The following PKNOX1 variants were observed in gnomAD, a reference collection of about 807,000 sequenced individuals.
The protein encoded by PKNOX1 is homeobox protein PKNOX1.
PKNOX1 carries 15 observed loss-of-function variants against 51.9 expected under a neutral mutation model. That is an observed-to-expected ratio of 0.29 (90% confidence interval 0.19 to 0.45). The LOEUF (loss-of-function observed/expected upper bound fraction) is 0.45. Among genes scored for constraint, PKNOX1 ranks in the 20% least tolerant of loss-of-function variants. The pLI is 1.00. For synonymous variants in PKNOX1, 219 were observed against 211.1 expected (o/e 1.04, Z -0.32); for missense variants, 462 against 547.5 (o/e 0.84, Z 1.56).
intron 1 of PKNOX1, among the ~76,000 whole-genome samples, chr21:42,989,185 A>G (rs1042550887): frequency 2.0e-5 from 3 of 151,282 alleles, no homozygotes; most frequent in East Asian, 1.9e-4. Flanking sequence ...GGGTCTCACT[A>G]TGTTGCTGGT....
At chr21:42,988,552 G>A (rs1232888518) in intron 1 of PKNOX1, among the ~76,000 whole-genome samples, 1 of 152,198 alleles carries the variant, frequency 6.6e-6, no homozygotes, top group South Asian at 2.1e-4. Flanking sequence ...ATCACCATTA[G>A]AATTGTAAAG....
intron 5 of PKNOX1, 47 bp downstream of exon 5, chr21:43,013,285 A>C (rs374506090): frequency 2.2e-6 from 3 of 1,386,594 alleles, no homozygotes. Context: ...CACTGTGAAC[A>C]TCTGCATTGA....
chr21:43,007,783 G>T, intron 3 of PKNOX1, 165 bp downstream of exon 3: 1 of 691,126 alleles, frequency 1.4e-6, no homozygotes, highest in Non-Finnish European at 2.4e-6. Context: ...GTTATTTCTG[G>T]CCAGGTGTGG....
chr21:42,994,448 A>T (rs1601279756), intron 1 of PKNOX1, among the ~76,000 whole-genome samples: 4 of 147,158 alleles, frequency 2.7e-5, no homozygotes, highest in African/African-American at 2.5e-5. Context: ...AAATGCTAGT[A>T]TTACAGGCAC....
At chr21:43,008,520 G>C (rs764508855) in intron 3 of PKNOX1, among the ~76,000 whole-genome samples, 2 of 152,214 alleles carry the variant, frequency 1.3e-5, no homozygotes, top group Non-Finnish European at 2.9e-5. Flanking sequence ...GCTCACACCT[G>C]TAATCCCAGA....
At chr21:43,017,437 C>T (rs889516276) in intron 6 of PKNOX1, 1 of 157,058 alleles carries the variant, frequency 6.4e-6, no homozygotes, top group Middle Eastern at 3.3e-3. Context: ...CCAGAGTTCC[C>T]TGATGCGTAG....
At chr21:42,978,518 C>G (rs1203265103) in intron 1 of PKNOX1, among the ~76,000 whole-genome samples, 3 of 136,624 alleles carry the variant, frequency 2.2e-5, no homozygotes, top group Non-Finnish European at 4.6e-5. Context: ...TGGAGTCGCT[C>G]TGTCGCCCAG....
intron 8 of PKNOX1, among the ~76,000 whole-genome samples, chr21:43,023,916 ATT>A (rs71332388): frequency 3.7e-5 from 5 of 136,916 alleles, no homozygotes; most frequent in Non-Finnish European, 4.7e-5. Context: ...ACCTGGCCAG[ATT>A]TTTTTTTTTT....
At chr21:43,009,237 C>T (rs988612782) in intron 3 of PKNOX1, among the ~76,000 whole-genome samples, 3 of 151,874 alleles carry the variant, frequency 2.0e-5, no homozygotes, top group African/African-American at 4.8e-5. Context: ...CATCTGAGGT[C>T]AGGAGTTTGA....
At chr21:42,984,483 G>A (rs531236405) in intron 1 of PKNOX1, among the ~76,000 whole-genome samples, 15 of 150,396 alleles carry the variant, frequency 1.0e-4, no homozygotes, top group African/African-American at 3.7e-4. Context: ...CCACCTCCTG[G>A]GTTCAAGCAA....
chr21:43,024,576 C>G, intron 8 of PKNOX1: 8 of 331,786 alleles, frequency 2.4e-5, no homozygotes, highest in South Asian at 1.7e-4. Flanking sequence ...AGACTCACCG[C>G]TGGACTGCAT....
intron 1 of PKNOX1, among the ~76,000 whole-genome samples, chr21:43,001,816 C>G (rs537932003): frequency 6.6e-6 from 1 of 151,834 alleles, no homozygotes; most frequent in Non-Finnish European, 1.5e-5. Flanking sequence ...AAAAATTAGC[C>G]GGACGTAGTC....
rs372805839 is a variant in PKNOX1 at position 42,986,578 on chromosome 21, A to G, written c.-57+11914A>G. On this transcript the variant is annotated intron_variant, in intron 1 of 10. Transcript: ENST00000291547. ...TTTATTGACTGAACATCTCTTTGGA[A>G]TAGGAGCTGTGGAAGCCAGGGTGGA... Among the ~76,000 whole-genome samples the G allele has an allele frequency of 1.2e-3, 176 of 152,218 alleles. 1 individual carries two copies. The highest frequency in any genetic ancestry group is 1.3e-3 in the Non-Finnish European group (89 of 68,042).
At chr21:42,974,836 C>A (rs1027011892) in intron 1 of PKNOX1, among the ~76,000 whole-genome samples, 172 bp downstream of exon 1, 10 of 147,734 alleles carry the variant, frequency 6.8e-5, no homozygotes, top group Admixed American at 4.0e-4. Context: ...GGGCAGGGGG[C>A]GGGGAGGGGG....
At chr21:43,016,236 C>G (rs1186919163) in intron 5 of PKNOX1, among the ~76,000 whole-genome samples, 4 of 152,238 alleles carry the variant, frequency 2.6e-5, no homozygotes, top group African/African-American at 9.6e-5. Context: ...GCGTCACAGT[C>G]AGTGGATAAA....
chr21:43,032,094 A>G lies in PKNOX1; in HGVS notation c.*1993A>G, dbSNP rs1980297566. 4.5e-6 allele frequency: 2 copies of G among 449,020 alleles called. No individual in the cohort carries two copies. Among genetic ancestry groups the G allele is most frequent in the South Asian group, 1.6e-5 (1 of 64,196 alleles). 27.8% of individuals were successfully genotyped at this position (449,020 alleles called of 1,614,324 possible). ...GGGCTGGTCTCGAACTCCCGACCTCAGGTGATCTGCCTGCCTCAGCCTCCC... is the reference window on the plus strand; with the variant it reads ...GGGCTGGTCTCGAACTCCCGACCTCGGGTGATCTGCCTGCCTCAGCCTCCC... On this transcript the variant is annotated 3_prime_UTR_variant, in exon 11 of 11. Coordinates refer to ENST00000291547, the MANE Select transcript of PKNOX1 (RefSeq NM_004571.5).
At chr21:42,987,404 A>AAAATATATAT in intron 1 of PKNOX1, among the ~76,000 whole-genome samples, 14 of 41,414 alleles carry the variant, frequency 3.4e-4, no homozygotes, top group African/African-American at 4.7e-4. Flanking sequence ...AAAAAAAAAA[A>AAAATATATAT]ATATATATAT....
chr21:42,983,679 T>G (rs1337565912), intron 1 of PKNOX1, among the ~76,000 whole-genome samples: 2 of 152,228 alleles, frequency 1.3e-5, no homozygotes, highest in African/African-American at 2.4e-5. Context: ...CATACTGGAA[T>G]TCTGTTTTTA....
chr21:43,024,857 T>C lies in PKNOX1; in HGVS notation c.850-14T>C, dbSNP rs546026128. On this transcript the variant is annotated splice_polypyrimidine_tract_variant and intron_variant, in intron 8 of 10. Transcript: ENST00000291547. ...AACTCGAAGGCCATGGTAACCTTCT[T>C]TTTTTATTTTCAGCATCCCTACCCA... The C allele has an allele frequency of 1.8e-4, 293 of 1,587,448 alleles. No homozygotes were observed. Among genetic ancestry groups the C allele is most frequent in the Non-Finnish European group, 2.5e-4 (285 of 1,157,140 alleles).
Sources: gnomAD v4.1 joint callset for allele counts (sites outside exome capture counted in the v4.1 genomes callset) on GRCh38, gnomAD v4.1.1 for gene constraint, MANE v1.5 for transcripts, NCBI Gene and HGNC (gene_info 2026-07-23, HGNC 2026-07-21) for gene names.